Variants in TMEM144 observed in about 807,000 individuals in gnomAD.
TMEM144 encodes transmembrane protein 144.
A neutral mutation model predicts 43.6 loss-of-function variants in TMEM144; 39 were observed. The observed-to-expected ratio is 0.90, with a 90% CI of 0.69 to 1.17. The LOEUF is 1.17. Ranked by LOEUF, TMEM144 falls within the 50% of genes most tolerant of loss-of-function variation. TMEM144 has a pLI of 0.00. For missense variants in TMEM144, 417 were observed against 411.9 expected, an observed-to-expected ratio of 1.01 and a Z score of -0.11; for synonymous variants, 154 against 133.6, an observed-to-expected ratio of 1.15 and a Z score of -1.06.
At chr4:158,249,743 C>T (rs916079512) in intron 12 of TMEM144, among the ~76,000 whole-genome samples, 7 of 151,944 alleles carry the variant, frequency 4.6e-5, no homozygotes, top group Non-Finnish European at 7.4e-5. Flanking sequence ...ACAAAATATA[C>T]GTGGAAATCA....
Position 158,244,139 on chromosome 4 carries a change from A to G in TMEM144, c.901-157A>G, listed in dbSNP as rs573665768. ...AAAAAGTCTTCATTTTTTTTACTTA[A>G]TATCACCTAAAGTTTAGCTTAGTGT... On this transcript the variant is annotated intron_variant, in intron 11 of 12. Coordinates refer to ENST00000296529, the MANE Select transcript of TMEM144 (RefSeq NM_018342.5). Among the ~76,000 whole-genome samples the G allele has an allele frequency of 4.5e-4, 69 of 152,292 alleles. No individual in the cohort carries two copies. Among genetic ancestry groups the G allele is most frequent in the African/African-American group, 1.6e-3 (65 of 41,570 alleles).
intron 4 of TMEM144, 62 bp from the exon 5 acceptor site, chr4:158,217,259 C>A (rs2111104485): frequency 1.7e-6 from 2 of 1,181,434 alleles, no homozygotes; most frequent in South Asian, 1.5e-5. Flanking sequence ...AAAACTAATT[C>A]TATTTATAAA....
chr4:158,251,967 CA>C (rs1304853500), intron 12 of TMEM144, among the ~76,000 whole-genome samples: 2 of 152,090 alleles, frequency 1.3e-5, no homozygotes, highest in South Asian at 2.1e-4. Context: ...GGCAGTCATT[CA>C]GGGGGAGCAG....
chr4:158,251,150 T>G (rs1736181894), intron 12 of TMEM144, among the ~76,000 whole-genome samples: 1 of 152,228 alleles, frequency 6.6e-6, no homozygotes, highest in East Asian at 1.9e-4. Context: ...AATAGTGTTA[T>G]TATCTGATTG....
At chr4:158,250,714 T>C (rs1022602013) in intron 12 of TMEM144, among the ~76,000 whole-genome samples, 2 of 152,198 alleles carry the variant, frequency 1.3e-5, no homozygotes, top group African/African-American at 4.8e-5. Context: ...GTTTGGTGCA[T>C]GTTCTTCACT....
At chr4:158,235,588 T>C in intron 8 of TMEM144, 83 bp downstream of exon 8, 1 of 1,377,786 alleles carries the variant, frequency 7.3e-7, no homozygotes, top group South Asian at 1.6e-5. Context: ...GTAATGTTCA[T>C]CTGAGTTCAA....
chr4:158,225,002 AG>A (rs1734691857), intron 6 of TMEM144, among the ~76,000 whole-genome samples: 1 of 152,220 alleles, frequency 6.6e-6, no homozygotes, highest in Non-Finnish European at 1.5e-5. Context: ...ATGGTTATGC[AG>A]GGATTTTCAC....
chr4:158,235,696 T>A (rs1735309721), intron 8 of TMEM144, 191 bp downstream of exon 8: 1 of 463,828 alleles, frequency 2.2e-6, no homozygotes, highest in East Asian at 3.2e-5. Flanking sequence ...TGAGCTCAAC[T>A]GCTTTGAGTA....
chr4:158,222,775 G>A (rs868055753), intron 6 of TMEM144, among the ~76,000 whole-genome samples: 8 of 152,134 alleles, frequency 5.3e-5, no homozygotes, highest in East Asian at 1.9e-4. Context: ...GTAACTGCAC[G>A]TGCACACACA....
In TMEM144 at chr4:158,244,349, G is replaced by A. The variant is rs1735775472; in HGVS notation, c.954G>A (p.Lys318=). ...GTATCTTCATGTTTAAGGAAATAAAGGTATGTACAAGAAAGGGCAGACTTA... is the reference window on the plus strand; with the variant it reads ...GTATCTTCATGTTTAAGGAAATAAAAGTATGTACAAGAAAGGGCAGACTTA... The part of the protein sequence containing the change: ...MWGIFMFKEI[K]GLQNYLLMIL... Residue 318 remains lysine, a splice_region_variant and synonymous_variant, in exon 12 of 13, where the codon AAG becomes AAA. Transcript: ENST00000296529. The A allele has an allele frequency of 1.2e-6, 2 of 1,609,272 alleles. No homozygotes were observed. The highest frequency in any genetic ancestry group is 1.3e-5 in the African/African-American group (1 of 74,858).
At chr4:158,230,020 C>T (rs1181769125) in intron 6 of TMEM144, among the ~76,000 whole-genome samples, 1 of 152,234 alleles carries the variant, frequency 6.6e-6, no homozygotes, top group African/African-American at 2.4e-5. Context: ...CTGGTCACCC[C>T]TCCCTTCGGG....
At chr4:158,222,127 C>G (rs1734538775) in intron 6 of TMEM144, among the ~76,000 whole-genome samples, 2 of 152,280 alleles carry the variant, frequency 1.3e-5, no homozygotes, top group Non-Finnish European at 1.5e-5. Flanking sequence ...TTCCCTCGTC[C>G]CATCCTACCT....
intron 6 of TMEM144, among the ~76,000 whole-genome samples, chr4:158,223,443 A>T (rs1299073966): frequency 1.3e-5 from 2 of 151,898 alleles, no homozygotes; most frequent in East Asian, 3.9e-4. Flanking sequence ...TTATTCATTT[A>T]TTTTTTTTAC....
At chr4:158,217,501 C>T in intron 5 of TMEM144, 81 bp downstream of exon 5, 1 of 990,876 alleles carries the variant, frequency 1.0e-6, no homozygotes, top group Middle Eastern at 2.1e-4. Flanking sequence ...AGAGGAATAA[C>T]ATATGATTCT....
At chr4:158,241,283 T>C (rs974948988) in intron 10 of TMEM144, among the ~76,000 whole-genome samples, 2 of 152,210 alleles carry the variant, frequency 1.3e-5, no homozygotes, top group Admixed American at 6.5e-5. Context: ...ATGGGTACTT[T>C]AATGCTGATA....
chr4:158,230,299 T>C (rs996696601), intron 6 of TMEM144, among the ~76,000 whole-genome samples: 3 of 152,198 alleles, frequency 2.0e-5, no homozygotes, highest in African/African-American at 4.8e-5. Flanking sequence ...TGACCGTTAT[T>C]ATGTCAGCCA....
At chr4:158,228,883 C>T (rs547027380) in intron 6 of TMEM144, among the ~76,000 whole-genome samples, 16 of 152,218 alleles carry the variant, frequency 1.1e-4, no homozygotes, top group African/African-American at 3.9e-4. Context: ...ATTCCTGTCC[C>T]TTTTAAGGGC....
chr4:158,232,933 T>C lies in TMEM144; in HGVS notation c.446T>C (p.Ile149Thr), dbSNP rs371716397. 1.2e-6 allele frequency: 2 copies of C among 1,612,000 alleles called. No individual in the cohort carries two copies. The highest frequency in any genetic ancestry group is 1.7e-6 in the Non-Finnish European group (2 of 1,179,204). The change falls in exon 7 of 13, where the codon ATA becomes ACA. Residue 149 changes from isoleucine (I) to threonine (T), a missense_variant. Coordinates refer to ENST00000296529, the MANE Select transcript of TMEM144 (RefSeq NM_018342.5). ...AFIFLFIKSE[I>T]PNNTCSMDTT... is the part of the protein sequence containing the mutation. ...ATATTTTTGTTCATCAAAAGTGAAATACCAAATAACACGTGTTCCATGGAT... is the reference window on the plus strand; with the variant it reads ...ATATTTTTGTTCATCAAAAGTGAAACACCAAATAACACGTGTTCCATGGAT...
intron 9 of TMEM144, among the ~76,000 whole-genome samples, chr4:158,238,739 C>T (rs989431183): frequency 1.3e-5 from 2 of 152,108 alleles, no homozygotes; most frequent in African/African-American, 4.8e-5. Flanking sequence ...AGATCAGTCT[C>T]ATGATTCAAT....
Sources: gnomAD v4.1 joint callset for allele counts (sites outside exome capture counted in the v4.1 genomes callset) on GRCh38, gnomAD v4.1.1 for gene constraint, MANE v1.5 for transcripts, NCBI Gene and HGNC (gene_info 2026-07-23, HGNC 2026-07-21) for gene names.